KIAA1217: variants seen among roughly 807,000 people sequenced by gnomAD.
The protein encoded by KIAA1217 is sickle tail protein homolog.
Under a neutral mutation model 163.9 loss-of-function variants are expected in KIAA1217, and 88 were observed. That is an observed-to-expected ratio of 0.54 (90% CI 0.45 to 0.64). KIAA1217 has a LOEUF of 0.64. Ranked by LOEUF, KIAA1217 falls within the 30% of genes least tolerant of loss-of-function variation. The pLI is 0.00. For missense variants in KIAA1217, 2,372 were observed against 2,475.0 expected, an observed-to-expected ratio of 0.96 and a Z score of 0.88; for synonymous variants, 903 against 923.1, an observed-to-expected ratio of 0.98 and a Z score of 0.39.
At chr10:24,423,648 C>T (rs1476817428) in intron 3 of KIAA1217, among the ~76,000 whole-genome samples, 1 of 151,936 alleles carries the variant, frequency 6.6e-6, no homozygotes, top group African/African-American at 2.4e-5. Context: ...TTAGTAGAGT[C>T]GAGGTTTCAC....
chr10:24,219,828 A>C lies in KIAA1217; in HGVS notation c.273A>C (p.Glu91Asp), dbSNP rs770935934. 3 of 1,613,936 alleles carry C rather than the reference A, an allele frequency of 1.9e-6. No homozygotes were observed. The highest frequency in any genetic ancestry group is 1.7e-5 in the Admixed American group (1 of 60,010). Residue 91 changes from glutamate (E) to aspartate (D), a missense_variant, in exon 2 of 21, where the codon GAA becomes GAC. Coordinates refer to ENST00000376454, the MANE Select transcript of KIAA1217 (RefSeq NM_019590.5). ...MQTSEMDRKR[E>D]AFLEHLKQKY... ...CATCTGAGATGGATCGGAAGAGAGA[A>C]GCGTTCCTAGAACATCTGAAGCAGA...
chr10:23,781,275 G>T (rs1027913519), intron 1 of KIAA1217, among the ~76,000 whole-genome samples: 1 of 152,078 alleles, frequency 6.6e-6, no homozygotes, highest in Non-Finnish European at 1.5e-5. Flanking sequence ...GCCAACATTT[G>T]TTATCTCTTG....
At chr10:24,401,484 G>T (rs1194005411) in intron 3 of KIAA1217, among the ~76,000 whole-genome samples, 2 of 152,056 alleles carry the variant, frequency 1.3e-5, no homozygotes, top group Non-Finnish European at 2.9e-5. Flanking sequence ...GCTGAAGAAG[G>T]AGAATCATAT....
intron 2 of KIAA1217, among the ~76,000 whole-genome samples, chr10:24,345,322 G>A (rs1241290613): frequency 6.6e-6 from 1 of 152,160 alleles, no homozygotes; most frequent in Admixed American, 6.5e-5. Flanking sequence ...CACTTCGTAG[G>A]AATACGGCAA....
chr10:23,874,756 T>A (rs972624465), intron 1 of KIAA1217, among the ~76,000 whole-genome samples: 1 of 152,014 alleles, frequency 6.6e-6, no homozygotes, highest in Non-Finnish European at 1.5e-5. Context: ...CACTAAAGCA[T>A]CCTGATTTTA....
chr10:24,015,372 T>C (rs1228959181), intron 2 of KIAA1217, among the ~76,000 whole-genome samples: 1 of 152,142 alleles, frequency 6.6e-6, no homozygotes, highest in Non-Finnish European at 1.5e-5. Flanking sequence ...CCCTCTTAAA[T>C]AGTTTCTTCC....
intron 2 of KIAA1217, among the ~76,000 whole-genome samples, chr10:24,195,923 G>A (rs1370093198): frequency 6.6e-6 from 1 of 152,222 alleles, no homozygotes; most frequent in Non-Finnish European, 1.5e-5. Context: ...GAGGCCAGCA[G>A]TTTGAGACTA....
intron 3 of KIAA1217, among the ~76,000 whole-genome samples, chr10:24,388,368 G>A (rs962793862): frequency 6.6e-6 from 1 of 152,186 alleles, no homozygotes; most frequent in East Asian, 1.9e-4. Flanking sequence ...GTGGAAAGCT[G>A]AAACTGGATC....
intron 2 of KIAA1217, among the ~76,000 whole-genome samples, chr10:24,038,711 C>G (rs1359915640): frequency 6.6e-6 from 1 of 150,970 alleles, no homozygotes; most frequent in African/African-American, 2.4e-5. Flanking sequence ...CAGCTGATTC[C>G]AAAGCCCACT....
chr10:24,039,069 G>T (rs998680044), intron 2 of KIAA1217, among the ~76,000 whole-genome samples: 4 of 152,046 alleles, frequency 2.6e-5, no homozygotes, highest in Admixed American at 6.6e-5. Flanking sequence ...AAATTTCTGG[G>T]ACCCTCTCTT....
At chr10:24,217,097 G>T (rs1237648032) in intron 1 of KIAA1217, among the ~76,000 whole-genome samples, 1 of 145,834 alleles carries the variant, frequency 6.9e-6, no homozygotes, top group Admixed American at 6.9e-5. Flanking sequence ...AATTTTGGCT[G>T]ATATGAAACA....
intron 5 of KIAA1217, among the ~76,000 whole-genome samples, chr10:24,459,169 A>G (rs756013279): frequency 1.3e-5 from 2 of 152,166 alleles, no homozygotes; most frequent in African/African-American, 2.4e-5. Context: ...CCATTCCCCC[A>G]GGGCACCTGG....
chr10:23,761,554 G>T (rs532379815), intron 1 of KIAA1217, among the ~76,000 whole-genome samples: 1 of 152,238 alleles, frequency 6.6e-6, no homozygotes, highest in South Asian at 2.1e-4. Flanking sequence ...CCATGTAATT[G>T]TATGGTTTTG....
intron 3 of KIAA1217, among the ~76,000 whole-genome samples, chr10:24,431,487 C>A (rs974738236): frequency 6.6e-6 from 1 of 152,122 alleles, no homozygotes; most frequent in Non-Finnish European, 1.5e-5. Context: ...GGGTAGCTCA[C>A]CTGGGGCTGG....
chr10:24,397,108 CTTT>C (rs34660362), intron 3 of KIAA1217, among the ~76,000 whole-genome samples: 3 of 114,696 alleles, frequency 2.6e-5, no homozygotes, highest in Admixed American at 1.9e-4. Flanking sequence ...GTAAGAAACT[CTTT>C]TTTTTTTTTT....
At chr10:24,123,629 G>A (rs1294480898) in intron 2 of KIAA1217, among the ~76,000 whole-genome samples, 1 of 152,176 alleles carries the variant, frequency 6.6e-6, no homozygotes, top group African/African-American at 2.4e-5. Flanking sequence ...GCCGATGGCA[G>A]TCACCTAAGG....
chr10:24,419,613 C>T (rs1386842190), intron 3 of KIAA1217, among the ~76,000 whole-genome samples: 1 of 152,126 alleles, frequency 6.6e-6, no homozygotes, highest in African/African-American at 2.4e-5. Flanking sequence ...TGGCACATAG[C>T]AAATGCTATA....
intron 1 of KIAA1217, among the ~76,000 whole-genome samples, chr10:23,916,467 C>G (rs1198970528): frequency 2.0e-5 from 3 of 152,196 alleles, no homozygotes; most frequent in Admixed American, 6.5e-5. Flanking sequence ...CACTTTATAT[C>G]TTCTTCAACT....
intron 2 of KIAA1217, among the ~76,000 whole-genome samples, chr10:24,062,969 C>A (rs2060789966): frequency 6.6e-6 from 1 of 151,832 alleles, no homozygotes; most frequent in Non-Finnish European, 1.5e-5. Context: ...TATCCTTCGC[C>A]CACTTTTCGA....
Sources: gnomAD v4.1 joint callset for allele counts (sites outside exome capture counted in the v4.1 genomes callset) on GRCh38, gnomAD v4.1.1 for gene constraint, MANE v1.5 for transcripts, NCBI Gene and HGNC (gene_info 2026-07-23, HGNC 2026-07-21) for gene names.